SEMA3E: variants seen among roughly 807,000 people sequenced by gnomAD.
SEMA3E encodes the protein semaphorin-3E.
In SEMA3E, 49 loss-of-function variants were observed where a neutral mutation model predicts 93.6. That is an observed-to-expected ratio of 0.52 (90% CI 0.42 to 0.66). The LOEUF (loss-of-function observed/expected upper bound fraction) is 0.66. Ranked by LOEUF, SEMA3E falls within the 30% of genes least tolerant of loss-of-function variation. SEMA3E has a pLI of 0.00. For missense variants in SEMA3E, 906 were observed against 964.8 expected (o/e 0.94, Z 0.81); for synonymous variants, 363 against 330.7 (o/e 1.10, Z -1.06).
In SEMA3E at chr7:83,565,619, A is replaced by G. The variant is rs78924129; in HGVS notation, c.116-75345T>C. Among the ~76,000 whole-genome samples the G allele has an allele frequency of 9.4e-3, 1,427 of 152,322 alleles. 25 individuals carry two copies. The highest frequency in any genetic ancestry group is 0.032 in the African/African-American group (1,340 of 41,564). Reference sequence around the variant, plus strand: ...TAATGTGCTTTCTGATCTTTTATCAATTTGTAGATGGAGTATTCAGAACAT... The same window carrying G: ...TAATGTGCTTTCTGATCTTTTATCAGTTTGTAGATGGAGTATTCAGAACAT... On this transcript the variant is annotated intron_variant, in intron 1 of 16. Coordinates refer to ENST00000643230, the MANE Select transcript of SEMA3E (RefSeq NM_012431.3).
chr7:83,461,275 C>T (rs960679840), intron 4 of SEMA3E, among the ~76,000 whole-genome samples: 4 of 152,142 alleles, frequency 2.6e-5, no homozygotes, highest in African/African-American at 9.7e-5. Context: ...GTACCAACCC[C>T]AAGCATTGCT....
intron 4 of SEMA3E, among the ~76,000 whole-genome samples, chr7:83,442,312 G>C (rs934409664): frequency 6.6e-6 from 1 of 152,092 alleles, no homozygotes; most frequent in African/African-American, 2.4e-5. Flanking sequence ...CATTTTGGAT[G>C]CCGATCCTTT....
chr7:83,551,111 G>C (rs995664965), intron 1 of SEMA3E, among the ~76,000 whole-genome samples: 2 of 152,074 alleles, frequency 1.3e-5, no homozygotes, highest in Non-Finnish European at 2.9e-5. Flanking sequence ...CTTTGGAAAA[G>C]TGTGGCATTA....
chr7:83,648,737 G>T lies in SEMA3E; in HGVS notation c.-195C>A. On this transcript the variant is annotated 5_prime_UTR_variant, in exon 1 of 17. The change creates a new upstream start codon in the 5' untranslated region. Transcript: ENST00000643230. ...GTAAAACCTTTCTTTCCTCGGGACA[G>T]TTGTTTATAAGCCGGGAGCAAGAGG... is the stretch of plus-strand genomic sequence containing the variant. 1 of 639,798 alleles carries T rather than the reference G, an allele frequency of 1.6e-6. No individual in the cohort carries two copies. The highest frequency in any genetic ancestry group is 2.8e-6 in the Non-Finnish European group (1 of 351,002). The allele number at this position is 639,798 out of a possible 1,614,324, so 39.6% of individuals were successfully genotyped here. A position where few individuals can be genotyped will look rare whatever the true frequency, so the allele number is the denominator to read the frequency against.
intron 3 of SEMA3E, among the ~76,000 whole-genome samples, chr7:83,468,183 C>G (rs1004404698): frequency 1.3e-5 from 2 of 152,112 alleles, no homozygotes; most frequent in Admixed American, 6.5e-5. Flanking sequence ...AGTGCACTAT[C>G]GAATTGATTA....
intron 4 of SEMA3E, among the ~76,000 whole-genome samples, chr7:83,458,949 G>GTA (rs572233832): frequency 1.2e-5 from 1 of 86,658 alleles, no homozygotes; most frequent in African/African-American, 3.4e-5. Context: ...ATACACATAT[G>GTA]TATATGTGTG....
chr7:83,542,130 G>A (rs76209850), intron 1 of SEMA3E, among the ~76,000 whole-genome samples: 3 of 151,592 alleles, frequency 2.0e-5, no homozygotes, highest in Admixed American at 6.6e-5. Flanking sequence ...ATTATTTAAT[G>A]TCAGAAGTTC....
chr7:83,550,397 G>T (rs572505861), intron 1 of SEMA3E, among the ~76,000 whole-genome samples: 1 of 152,036 alleles, frequency 6.6e-6, no homozygotes, highest in Non-Finnish European at 1.5e-5. Flanking sequence ...ATATAGTAAG[G>T]CATGAACAGG....
At chr7:83,385,087 T>C (rs956206982) in intron 16 of SEMA3E, among the ~76,000 whole-genome samples, 5 of 150,172 alleles carry the variant, frequency 3.3e-5, no homozygotes, top group Non-Finnish European at 5.9e-5. Context: ...TATATTTATA[T>C]AGTATATGTA....
chr7:83,571,902 A>T (rs922516377), intron 1 of SEMA3E, among the ~76,000 whole-genome samples: 4 of 152,176 alleles, frequency 2.6e-5, no homozygotes, highest in Non-Finnish European at 5.9e-5. Context: ...CAATGTATAA[A>T]CATCAGTAGC....
At position 83,640,975 on chromosome 7, in the gene SEMA3E, G is replaced by A. The variant is rs551251736; in HGVS notation, c.115+7453C>T. Among the ~76,000 whole-genome samples the A allele has an allele frequency of 2.6e-5, 4 of 152,222 alleles. No homozygotes were observed. The South Asian group carries it at 8.3e-4, about 32-fold the overall frequency. ...AGAGAAAGAGAAGGAAGAAAAACAAGAGGAAGGAAGTAGAGAAAAAGGTGG... is the reference window on the plus strand; with the variant it reads ...AGAGAAAGAGAAGGAAGAAAAACAAAAGGAAGGAAGTAGAGAAAAAGGTGG... On this transcript the variant is annotated intron_variant, in intron 1 of 16. Coordinates refer to ENST00000643230, the MANE Select transcript of SEMA3E (RefSeq NM_012431.3).
At chr7:83,576,312 T>C (rs1310130481) in intron 1 of SEMA3E, among the ~76,000 whole-genome samples, 1 of 152,106 alleles carries the variant, frequency 6.6e-6, no homozygotes, top group Non-Finnish European at 1.5e-5. Flanking sequence ...ATTGGAAAAT[T>C]TCAAACATGT....
At chr7:83,594,710 T>C (rs780491722) in intron 1 of SEMA3E, among the ~76,000 whole-genome samples, 3 of 152,066 alleles carry the variant, frequency 2.0e-5, no homozygotes, top group Non-Finnish European at 4.4e-5. Flanking sequence ...GTTTCCCCTT[T>C]CTAAGAACCT....
chr7:83,493,478 G>A (rs991572319), intron 1 of SEMA3E, among the ~76,000 whole-genome samples: 5 of 151,706 alleles, frequency 3.3e-5, no homozygotes, highest in Admixed American at 2.0e-4. Flanking sequence ...ACATACCATA[G>A]GTAATAAATT....
intron 9 of SEMA3E, among the ~76,000 whole-genome samples, chr7:83,405,077 T>A (rs573945874): frequency 6.6e-6 from 1 of 152,066 alleles, no homozygotes; most frequent in African/African-American, 2.4e-5. Flanking sequence ...GAAAATTCTA[T>A]GTGATGAATA....
intron 1 of SEMA3E, among the ~76,000 whole-genome samples, chr7:83,569,474 A>G (rs547580302): frequency 1.3e-5 from 2 of 152,188 alleles, no homozygotes; most frequent in Admixed American, 6.5e-5. Context: ...CCAACTCTCT[A>G]CTATCTTCAA....
At chr7:83,453,163 G>A (rs1789399238) in intron 4 of SEMA3E, among the ~76,000 whole-genome samples, 1 of 152,004 alleles carries the variant, frequency 6.6e-6, no homozygotes, top group Non-Finnish European at 1.5e-5. Flanking sequence ...GAGTAGCTGG[G>A]ATTACAGGGG....
At chr7:83,636,560 G>T (rs1386021039) in intron 1 of SEMA3E, among the ~76,000 whole-genome samples, 1 of 152,038 alleles carries the variant, frequency 6.6e-6, no homozygotes, top group Non-Finnish European at 1.5e-5. Flanking sequence ...CAATATAACT[G>T]CCCTCAGTAT....
intron 16 of SEMA3E, among the ~76,000 whole-genome samples, chr7:83,381,440 AT>A (rs558778134): frequency 6.6e-6 from 1 of 151,576 alleles, no homozygotes; most frequent in Non-Finnish European, 1.5e-5. Flanking sequence ...CTTTTTTCAG[AT>A]TTTTTTTCCA....
Sources: allele counts gnomAD v4.1 joint callset (sites outside exome capture counted in the v4.1 genomes callset), GRCh38; gene constraint gnomAD v4.1.1; transcripts MANE v1.5; gene names NCBI Gene and HGNC (gene_info 2026-07-23, HGNC 2026-07-21).